ADIPOR2: variants seen among roughly 807,000 people sequenced by gnomAD.
ADIPOR2 encodes adiponectin receptor protein 2.
Under a neutral mutation model 40.9 loss-of-function variants are expected in ADIPOR2, and 18 were observed. The ratio of observed to expected loss-of-function variants is 0.44; its 90% CI spans 0.30 to 0.65. ADIPOR2 has a LOEUF of 0.65. ADIPOR2 is among the 30% of genes least tolerant of loss of function. ADIPOR2 has a pLI of 0.09. For missense variants in ADIPOR2, 283 were observed against 479.2 expected, an observed-to-expected ratio of 0.59 and a Z score of 3.82; for synonymous variants, 165 against 166.4, an observed-to-expected ratio of 0.99 and a Z score of 0.06.
intron 1 of ADIPOR2, among the ~76,000 whole-genome samples, chr12:1,735,631 T>C (rs2094728825): frequency 6.6e-6 from 1 of 152,194 alleles, no homozygotes; most frequent in African/African-American, 2.4e-5. Flanking sequence ...TCCAACACTA[T>C]GTTGAATAGG....
intron 1 of ADIPOR2, chr12:1,695,737 A>G (rs1482122055): frequency 1.3e-5 from 2 of 151,722 alleles, no homozygotes; most frequent in Non-Finnish European, 2.9e-5. Flanking sequence ...TTCAGGATAT[A>G]GTGCTTTTGG....
At chr12:1,761,344 A>T (rs189360484) in intron 2 of ADIPOR2, among the ~76,000 whole-genome samples, 19 of 152,064 alleles carry the variant, frequency 1.2e-4, no homozygotes, top group African/African-American at 4.6e-4. Context: ...AAGCTTTTGT[A>T]TGGATGTGTT....
At chr12:1,783,815 T>C (rs1290519921) in intron 6 of ADIPOR2, 65 bp from the exon 7 acceptor site, 1 of 1,355,624 alleles carries the variant, frequency 7.4e-7, no homozygotes, top group Non-Finnish European at 1.0e-6. Flanking sequence ...TGCTGTGCTG[T>C]AATACTGACT....
chr12:1,782,972 C>A, intron 6 of ADIPOR2, among the ~76,000 whole-genome samples: 1 of 98,262 alleles, frequency 1.0e-5, no homozygotes, highest in East Asian at 2.8e-4. Context: ...TTCTTTCTTT[C>A]TTTCTTTTTT....
intron 2 of ADIPOR2, among the ~76,000 whole-genome samples, chr12:1,768,621 T>A (rs1299065358): frequency 1.3e-5 from 2 of 152,196 alleles, no homozygotes; most frequent in South Asian, 2.1e-4. Context: ...CCCAATAGGT[T>A]TGTGAATTAT....
At chr12:1,731,880 C>T (rs898305791) in intron 1 of ADIPOR2, among the ~76,000 whole-genome samples, 6 of 152,102 alleles carry the variant, frequency 3.9e-5, no homozygotes, top group African/African-American at 1.2e-4. Context: ...AGGAGAATCG[C>T]GGGAACCCGC....
intron 1 of ADIPOR2, among the ~76,000 whole-genome samples, chr12:1,748,932 T>C (rs188433283): frequency 6.6e-6 from 1 of 152,010 alleles, no homozygotes; most frequent in Admixed American, 6.5e-5. Context: ...GGTTGAGGGC[T>C]CCGTACCTAA....
intron 1 of ADIPOR2, among the ~76,000 whole-genome samples, chr12:1,724,265 G>T (rs1053776671): frequency 1.3e-5 from 2 of 152,172 alleles, no homozygotes; most frequent in Non-Finnish European, 2.9e-5. Flanking sequence ...ACAGATGTGA[G>T]CCACCGCACC....
At chr12:1,719,350 G>C (rs2094693486) in intron 1 of ADIPOR2, among the ~76,000 whole-genome samples, 1 of 152,064 alleles carries the variant, frequency 6.6e-6, no homozygotes, top group South Asian at 2.1e-4. Context: ...CTTGGCTTTG[G>C]CATTTAAGTG....
chr12:1,710,067 A>T (rs1376306078), intron 1 of ADIPOR2, among the ~76,000 whole-genome samples: 1 of 152,226 alleles, frequency 6.6e-6, no homozygotes, highest in East Asian at 1.9e-4. Context: ...GCCAATCAGC[A>T]CTCTGTAAAA....
intron 1 of ADIPOR2, among the ~76,000 whole-genome samples, chr12:1,714,739 C>T (rs1366886050): frequency 3.9e-5 from 6 of 152,116 alleles, no homozygotes; most frequent in Non-Finnish European, 7.3e-5. Context: ...CTGTCATTTA[C>T]GTGACTGAGA....
Position 1,777,465 on chromosome 12 carries a change from C to A in ADIPOR2, c.292-389C>A, listed in dbSNP as rs560148838. On this transcript the variant is annotated intron_variant, in intron 3 of 7. Transcript: ENST00000357103. Reference sequence around the variant, plus strand: ...GCAATGGCGTCATCTCAGCTCACCACAACCTCCGCCTCCCGGGTTCAAGCA... The same window carrying A: ...GCAATGGCGTCATCTCAGCTCACCAAAACCTCCGCCTCCCGGGTTCAAGCA... Among the ~76,000 whole-genome samples the A allele has an allele frequency of 5.5e-5, 8 of 145,476 alleles. No individual in the cohort carries two copies. The South Asian group carries it at 1.5e-3, about 28-fold the overall frequency.
chr12:1,723,463 GAAAAAAA>G (rs58233234), intron 1 of ADIPOR2, among the ~76,000 whole-genome samples: 115 of 106,158 alleles, frequency 1.1e-3, no homozygotes, highest in African/African-American at 4.1e-3. Context: ...CGTCTCTACT[GAAAAAAA>G]AAAAAAAAAA....
At chr12:1,758,149 G>A (rs1862185180) in intron 2 of ADIPOR2, 1 of 437,694 alleles carries the variant, frequency 2.3e-6, no homozygotes, top group Non-Finnish European at 4.0e-6. Flanking sequence ...TGTCTTCACT[G>A]GTTGAAGTGG....
intron 6 of ADIPOR2, among the ~76,000 whole-genome samples, chr12:1,781,478 T>A (rs1159761928): frequency 6.6e-6 from 1 of 152,204 alleles, no homozygotes; most frequent in African/African-American, 2.4e-5. Flanking sequence ...TGTTTTATAT[T>A]TTTATTTTAT....
At chr12:1,728,295 T>A (rs999776313) in intron 1 of ADIPOR2, among the ~76,000 whole-genome samples, 1 of 151,700 alleles carries the variant, frequency 6.6e-6, no homozygotes, top group African/African-American at 2.4e-5. Flanking sequence ...GTATTTTTAG[T>A]AGAGATGGGG....
chr12:1,695,011 GTTTTTTTT>G (rs199627849), intron 1 of ADIPOR2, among the ~76,000 whole-genome samples: 1 of 128,344 alleles, frequency 7.8e-6, no homozygotes, highest in East Asian at 2.4e-4. Flanking sequence ...TTGTGTTGCA[GTTTTTTTT>G]TTTTTTTTGT....
intron 2 of ADIPOR2, among the ~76,000 whole-genome samples, chr12:1,764,142 C>T (rs1004081286): frequency 6.6e-6 from 1 of 152,074 alleles, no homozygotes; most frequent in African/African-American, 2.4e-5. Context: ...TTTCATTTTC[C>T]TTACATTAAA....
intron 1 of ADIPOR2, among the ~76,000 whole-genome samples, chr12:1,742,678 A>G (rs1453271338): frequency 6.6e-6 from 1 of 152,202 alleles, no homozygotes; most frequent in Non-Finnish European, 1.5e-5. Context: ...TCATGTCTAG[A>G]TTACTTGTAG....
Sources: allele counts gnomAD v4.1 joint callset (sites outside exome capture counted in the v4.1 genomes callset), GRCh38; gene constraint gnomAD v4.1.1; transcripts MANE v1.5; gene names NCBI Gene and HGNC (gene_info 2026-07-23, HGNC 2026-07-21).